MED27: variants seen among roughly 807,000 people sequenced by gnomAD.
MED27 encodes mediator complex subunit 27.
Under a neutral mutation model 38.2 loss-of-function variants are expected in MED27, and 30 were observed. The observed-to-expected ratio is 0.79, with a 90% CI of 0.59 to 1.07. The LOEUF is 1.07. MED27 is among the 50% of genes least tolerant of loss of function. The pLI is 0.00. For synonymous variants in MED27, 122 were observed against 153.5 expected (o/e 0.79, Z 1.52); for missense variants, 289 against 397.5 (o/e 0.73, Z 2.32).
At chr9:132,000,521 T>A (rs967723638) in intron 3 of MED27, among the ~76,000 whole-genome samples, 1 of 152,104 alleles carries the variant, frequency 6.6e-6, no homozygotes, top group Non-Finnish European at 1.5e-5. Context: ...CCAAGAGAAA[T>A]GAAAGCACAT....
chr9:131,958,076 T>G (rs543219814), intron 3 of MED27, among the ~76,000 whole-genome samples: 2 of 152,194 alleles, frequency 1.3e-5, no homozygotes, highest in African/African-American at 2.4e-5. Flanking sequence ...ATGCATATAT[T>G]TGTCAAAACT....
Position 131,917,450 on chromosome 9 carries a change from T to C in MED27, c.573+21931A>G. On this transcript the variant is annotated intron_variant, in intron 4 of 7. Transcript: ENST00000292035. This position sits in a 1 kb window ranked among gnomAD's most constrained non-coding sequence, Gnocchi z 4.6. ...GGCATCTCTGGAATGATGAGTCCAG[T>C]GTGGAAGATGAGGGGAGGCAGAGTG... Among the ~76,000 whole-genome samples, 1 of 151,376 alleles carries C rather than the reference T, an allele frequency of 6.6e-6. No homozygotes were observed. Among genetic ancestry groups the C allele is most frequent in the East Asian group, 1.9e-4 (1 of 5,148 alleles).
intron 3 of MED27, among the ~76,000 whole-genome samples, chr9:131,949,840 C>T (rs73658159): frequency 5.3e-5 from 8 of 152,158 alleles, no homozygotes; most frequent in East Asian, 3.8e-4. Flanking sequence ...CCAGGTTAAA[C>T]GTCCTGAAGT....
At chr9:131,978,511 T>A (rs943347428) in intron 3 of MED27, among the ~76,000 whole-genome samples, 1 of 152,218 alleles carries the variant, frequency 6.6e-6, no homozygotes. Context: ...ACTTTATGTA[T>A]CTTGAAACTT....
chr9:131,965,788 G>C (rs1589238401), intron 3 of MED27, among the ~76,000 whole-genome samples: 3 of 152,010 alleles, frequency 2.0e-5, no homozygotes, highest in Non-Finnish European at 4.4e-5. Context: ...ACAGACCCTA[G>C]GCTGTTCCCC....
chr9:131,903,320 A>G (rs930269512), intron 4 of MED27, among the ~76,000 whole-genome samples: 6 of 152,184 alleles, frequency 3.9e-5, no homozygotes, highest in African/African-American at 1.4e-4. Context: ...ACTCATTATC[A>G]TGAGAACGGC....
chr9:131,914,689 C>T (rs986131730), intron 4 of MED27, among the ~76,000 whole-genome samples: 15 of 152,116 alleles, frequency 9.9e-5, no homozygotes, highest in Non-Finnish European at 1.2e-4. Context: ...AATGGGAAGC[C>T]CGTGGATTCT....
chr9:131,907,504 C>T (rs142535683), intron 4 of MED27, among the ~76,000 whole-genome samples: 1,692 of 152,336 alleles, frequency 0.011, 13 homozygotes, highest in Non-Finnish European at 0.018. Context: ...GCAGACGTAG[C>T]CTCGTTCACT....
intron 2 of MED27, among the ~76,000 whole-genome samples, chr9:132,075,806 G>A (rs773555830): frequency 4.3e-4 from 66 of 152,284 alleles, no homozygotes; most frequent in South Asian, 8.3e-4. Context: ...ACACCTATCT[G>A]TGTAGAGCTG....
At chr9:131,899,709 G>T (rs1001398372) in intron 4 of MED27, among the ~76,000 whole-genome samples, 3 of 152,194 alleles carry the variant, frequency 2.0e-5, no homozygotes, top group Non-Finnish European at 4.4e-5. Context: ...CTCTGCCATC[G>T]AGATGGAGCC....
At chr9:131,962,411 A>AT (rs1036894472) in intron 3 of MED27, among the ~76,000 whole-genome samples, 1 of 151,836 alleles carries the variant, frequency 6.6e-6, no homozygotes, top group Non-Finnish European at 1.5e-5. Flanking sequence ...TAATTTTTGT[A>AT]TTTTTTTGGT....
chr9:131,909,313 T>G (rs1830146020), intron 4 of MED27, among the ~76,000 whole-genome samples: 1 of 152,180 alleles, frequency 6.6e-6, no homozygotes, highest in African/African-American at 2.4e-5. Context: ...CTAGAGATAG[T>G]TCAATTTTAT....
At chr9:131,980,834 T>C (rs1398427207) in intron 3 of MED27, among the ~76,000 whole-genome samples, 1 of 152,142 alleles carries the variant, frequency 6.6e-6, no homozygotes, top group East Asian at 1.9e-4. Context: ...ATTCTGACAC[T>C]TCCCGCAGCA....
chr9:131,914,066 G>A (rs1019950632), intron 4 of MED27, among the ~76,000 whole-genome samples: 3 of 152,196 alleles, frequency 2.0e-5, no homozygotes, highest in Non-Finnish European at 4.4e-5. Flanking sequence ...TTCTGGGGGA[G>A]CTTGCAGCCT....
chr9:132,072,380 G>T (rs1043950706), intron 2 of MED27, among the ~76,000 whole-genome samples: 1 of 152,106 alleles, frequency 6.6e-6, no homozygotes, highest in African/African-American at 2.4e-5. Context: ...CATAAGCAGA[G>T]CTGGATCAGA....
intron 2 of MED27, among the ~76,000 whole-genome samples, chr9:132,076,156 G>A (rs551294039): frequency 3.3e-5 from 5 of 152,258 alleles, no homozygotes; most frequent in Non-Finnish European, 7.4e-5. Flanking sequence ...GAGAGGGCAG[G>A]AGAGTGATGT....
chr9:131,938,088 C>G (rs556717298), intron 4 of MED27, among the ~76,000 whole-genome samples: 1 of 152,226 alleles, frequency 6.6e-6, no homozygotes, highest in African/African-American at 2.4e-5. Context: ...CCCCCACAAA[C>G]GAAGTAACAA....
intron 5 of MED27, 69 bp from the exon 6 acceptor site, chr9:131,884,168 T>C: frequency 8.3e-7 from 1 of 1,208,668 alleles, no homozygotes; most frequent in Non-Finnish European, 1.2e-6. Context: ...AATAATATTG[T>C]AACTACTGTT....
At chr9:132,048,055 T>C (rs1030425232) in intron 2 of MED27, among the ~76,000 whole-genome samples, 1 of 152,238 alleles carries the variant, frequency 6.6e-6, no homozygotes, top group Non-Finnish European at 1.5e-5. Flanking sequence ...ACCTCAGGTA[T>C]ACATTGGTTA....
Sources: allele counts gnomAD v4.1 joint callset (sites outside exome capture counted in the v4.1 genomes callset), GRCh38; gene constraint gnomAD v4.1.1; non-coding constraint Gnocchi (gnomAD v3.1); transcripts MANE v1.5; gene names NCBI Gene and HGNC (gene_info 2026-07-23, HGNC 2026-07-21).